Variants in CAPZA1 observed in about 807,000 individuals in gnomAD.
The protein encoded by CAPZA1 is capping actin protein of muscle Z-line subunit alpha 1.
Under a neutral mutation model 40.8 loss-of-function variants are expected in CAPZA1, and 10 were observed. The ratio of observed to expected loss-of-function variants is 0.25; its 90% CI spans 0.15 to 0.42. The LOEUF (loss-of-function observed/expected upper bound fraction) is 0.42, where lower values mean the gene tolerates loss of function less well. Ranked by LOEUF, CAPZA1 falls within the 10% of genes least tolerant of loss-of-function variation. The probability of loss-of-function intolerance (pLI) is 1.00; values close to 1 mark genes in which losing one functional copy is unlikely to be tolerated. For synonymous variants in CAPZA1, 98 were observed against 115.0 expected, an observed-to-expected ratio of 0.85 and a Z score of 0.95; for missense variants, 277 against 353.8, an observed-to-expected ratio of 0.78 and a Z score of 1.74.
chr1:112,638,671 G>C (rs373402854), intron 1 of CAPZA1, among the ~76,000 whole-genome samples: 5 of 151,658 alleles, frequency 3.3e-5, no homozygotes, highest in African/African-American at 7.3e-5. Flanking sequence ...ACAGTGGCTC[G>C]CATCTGTAAT....
At chr1:112,651,735 G>A (rs1219253097) in intron 3 of CAPZA1, among the ~76,000 whole-genome samples, 2 of 151,680 alleles carry the variant, frequency 1.3e-5, no homozygotes, top group Non-Finnish European at 2.9e-5. Flanking sequence ...TACTTTTTAT[G>A]AATAAATTGT....
chr1:112,659,802 G>A, intron 7 of CAPZA1, 23 bp downstream of exon 7: 1 of 1,569,014 alleles, frequency 6.4e-7, no homozygotes, highest in Non-Finnish European at 8.8e-7. Flanking sequence ...CATGTTTATA[G>A]ACTTAAAACT....
At chr1:112,643,636 A>G (rs1197469628) in intron 1 of CAPZA1, among the ~76,000 whole-genome samples, 3 of 152,196 alleles carry the variant, frequency 2.0e-5, no homozygotes, top group African/African-American at 4.8e-5. Flanking sequence ...TGTTTCTAGA[A>G]TCACAAATCT....
chr1:112,652,995 A>G (rs1380480417), intron 3 of CAPZA1, among the ~76,000 whole-genome samples: 1 of 151,998 alleles, frequency 6.6e-6, no homozygotes, highest in East Asian at 1.9e-4. Context: ...CTCTCACTTC[A>G]CCTTCTTCGC....
At chr1:112,646,557 A>G (rs371722548) in intron 1 of CAPZA1, among the ~76,000 whole-genome samples, 1 of 152,228 alleles carries the variant, frequency 6.6e-6, no homozygotes, top group Admixed American at 6.5e-5. Context: ...AGCCTGGACA[A>G]CAGCCAAGAC....
Position 112,667,161 on chromosome 1 carries a change from T to C in CAPZA1, c.657+16T>C. 1 of 1,555,382 alleles carries C rather than the reference T, an allele frequency of 6.4e-7. No individual in the cohort carries two copies. The highest frequency in any genetic ancestry group is 8.8e-7 in the Non-Finnish European group (1 of 1,131,466). On this transcript the variant is annotated intron_variant, in intron 8 of 9. Transcript: ENST00000263168. ...AACTGTTTCGGTGAGTATGGAATAT[T>C]TAGTGTCTGTCTTACTCATGTCTCG...
chr1:112,619,917 C>G, intron 1 of CAPZA1, 34 bp downstream of exon 1: 1 of 1,570,626 alleles, frequency 6.4e-7, no homozygotes, highest in Non-Finnish European at 8.7e-7. Context: ...TACCTCCTCC[C>G]CCGACAGGGA....
chr1:112,639,531 G>A (rs1671091004), intron 1 of CAPZA1, among the ~76,000 whole-genome samples: 1 of 152,092 alleles, frequency 6.6e-6, no homozygotes, highest in Non-Finnish European at 1.5e-5. Context: ...AGGTACTATG[G>A]GGATATGAAG....
intron 7 of CAPZA1, among the ~76,000 whole-genome samples, chr1:112,665,262 C>T (rs1248962439): frequency 6.6e-6 from 1 of 150,702 alleles, no homozygotes; most frequent in Non-Finnish European, 1.5e-5. Context: ...CTGCAACCTC[C>T]GCCTCCTGGG....
chr1:112,639,963 G>C (rs1570708809), intron 1 of CAPZA1, among the ~76,000 whole-genome samples: 3 of 120,406 alleles, frequency 2.5e-5, no homozygotes, highest in African/African-American at 9.1e-5. Flanking sequence ...GGAGGGAGGT[G>C]GGGGGGTCAG....
intron 1 of CAPZA1, 83 bp downstream of exon 1, chr1:112,619,966 G>A: frequency 8.8e-7 from 1 of 1,142,748 alleles, no homozygotes; most frequent in Non-Finnish European, 1.3e-6. Context: ...GCCTAGCAGT[G>A]TCCCCAGGAA....
In CAPZA1 at chr1:112,640,901, C is replaced by T. The variant is rs545635010; in HGVS notation, c.40-6309C>T. 1.1e-4 allele frequency among the ~76,000 whole-genome samples: 17 copies of T among 152,308 alleles called. No homozygotes were observed. The Middle Eastern group carries it at 0.01, about 91-fold the overall frequency. ...AAGAGAAGTTCTTCTGCCTTGGGAT[C>T]CTGTTGATCTGTGACCTTACCCCCA... On this transcript the variant is annotated intron_variant, in intron 1 of 9. Transcript: ENST00000263168.
intron 1 of CAPZA1, among the ~76,000 whole-genome samples, chr1:112,624,254 C>A (rs55675817): frequency 0.34 from 50,934 of 151,854 alleles, 10,681 homozygotes; most frequent in South Asian, 0.62. Flanking sequence ...CTATACTTTT[C>A]TTTTCCATAT....
chr1:112,649,715 A>G, intron 3 of CAPZA1: 1 of 510,042 alleles, frequency 2.0e-6, no homozygotes, highest in Non-Finnish European at 3.4e-6. Flanking sequence ...ATTAAAGCAG[A>G]GTTTAATGTT....
chr1:112,637,617 T>C (rs1671047440), intron 1 of CAPZA1, among the ~76,000 whole-genome samples: 1 of 152,132 alleles, frequency 6.6e-6, no homozygotes, highest in South Asian at 2.1e-4. Context: ...CCGGCTAAAT[T>C]TTCTTGTTAT....
rs557787220 is a variant in CAPZA1, at chr1:112,669,545, T to A, written c.660T>A (p.Asn220Lys). ...KDVQDSLTVS[N>K]EAQTAKEFIK... is the part of the protein sequence containing the mutation. Reference sequence around the variant, plus strand: ...CCCCTTCTTCCTTCCTTCATTAGAATGAAGCCCAAACTGCCAAGGAGTTTA... The same window carrying A: ...CCCCTTCTTCCTTCCTTCATTAGAAAGAAGCCCAAACTGCCAAGGAGTTTA... The change falls in exon 9 of 10, where the codon AAT (asparagine) becomes AAA (lysine). Residue 220 changes from asparagine (N) to lysine (K), a missense_variant and splice_region_variant. Physicochemically the swap from Asn to Lys is moderately conservative, Grantham distance 94. This residue lies in a region of CAPZA1 where 192 missense variants were observed against 277.2 expected (regional missense o/e 0.69). Coordinates refer to ENST00000263168, the MANE Select transcript of CAPZA1 (RefSeq NM_006135.3). The A allele has an allele frequency of 1.9e-6, 3 of 1,608,472 alleles. No homozygotes were observed. Among genetic ancestry groups the A allele is most frequent in the Non-Finnish European group, 2.6e-6 (3 of 1,175,240 alleles).
intron 3 of CAPZA1, among the ~76,000 whole-genome samples, chr1:112,652,479 C>CA (rs35996522): frequency 0.32 from 22,954 of 72,852 alleles, 2,559 homozygotes; most frequent in East Asian, 0.55. Context: ...AACTCCATCT[C>CA]AAAAAAAAAA....
intron 1 of CAPZA1, among the ~76,000 whole-genome samples, chr1:112,628,617 A>T (rs956892021): frequency 2.0e-5 from 3 of 152,206 alleles, no homozygotes; most frequent in Admixed American, 1.3e-4. Context: ...AAACCAAGTC[A>T]CGTCTTTGTA....
At chr1:112,658,871 T>C in intron 5 of CAPZA1, 151 bp from the exon 6 acceptor site, 1 of 606,716 alleles carries the variant, frequency 1.6e-6, no homozygotes, top group Non-Finnish European at 3.0e-6. Flanking sequence ...TCTGCTTTGT[T>C]TTCATATCCC....
Sources: allele counts gnomAD v4.1 joint callset (sites outside exome capture counted in the v4.1 genomes callset), GRCh38; gene constraint gnomAD v4.1.1; regional missense constraint gnomAD v4.1.1; transcripts MANE v1.5; gene names NCBI Gene and HGNC (gene_info 2026-07-23, HGNC 2026-07-21).